Variants in MAP3K20 observed in about 807,000 individuals in gnomAD.
MAP3K20 encodes HCCS-4.
In MAP3K20, 40 loss-of-function variants were observed where a neutral mutation model predicts 85.7. The ratio of observed to expected loss-of-function variants is 0.47; its 90% CI spans 0.36 to 0.61. MAP3K20 has a LOEUF of 0.61. Among genes scored for constraint, MAP3K20 ranks in the 20% least tolerant of loss-of-function variants. The pLI is 0.00. For synonymous variants in MAP3K20, 325 were observed against 327.7 expected, an observed-to-expected ratio of 0.99 and a Z score of 0.09; for missense variants, 817 against 961.7, an observed-to-expected ratio of 0.85 and a Z score of 1.99.
At chr2:173,085,000 T>A (rs1314202383) in intron 1 of MAP3K20, among the ~76,000 whole-genome samples, 1 of 152,238 alleles carries the variant, frequency 6.6e-6, no homozygotes, top group African/African-American at 2.4e-5. Flanking sequence ...GGAAGTGAGA[T>A]GTATCAATGA....
chr2:173,107,586 G>A (rs1007124262), intron 2 of MAP3K20, among the ~76,000 whole-genome samples: 2 of 152,106 alleles, frequency 1.3e-5, no homozygotes, highest in Admixed American at 6.5e-5. Flanking sequence ...TCTGCCTTGC[G>A]CTGCAAATGG....
intron 1 of MAP3K20, among the ~76,000 whole-genome samples, chr2:173,076,800 T>C (rs1573991449): frequency 6.6e-6 from 1 of 152,288 alleles, no homozygotes; most frequent in Non-Finnish European, 1.5e-5. Context: ...TTTTGTGGGC[T>C]CCCAGACCTG....
chr2:173,257,889 A>G (rs1369157929), intron 16 of MAP3K20, among the ~76,000 whole-genome samples: 1 of 152,100 alleles, frequency 6.6e-6, no homozygotes, highest in East Asian at 1.9e-4. Flanking sequence ...TTTAATTTGC[A>G]TTTTCCTGGT....
rs1274644433 is a variant in MAP3K20 at position 173,134,428 on chromosome 2, A to AT, written c.160-35358dup. On this transcript the variant is annotated intron_variant, in intron 2 of 19. Transcript: ENST00000375213. ...TATATATATATATATATATATATATATTTTTTTTTTTTTTTTTTTGCAGAG... is the reference window on the plus strand; with the variant it reads ...TATATATATATATATATATATATATATTTTTTTTTTTTTTTTTTTTGCAGAG... Among the ~76,000 whole-genome samples, 22 of 3,156 alleles carry AT rather than the reference A, an allele frequency of 7.0e-3. 2 individuals carry two copies. Among genetic ancestry groups the AT allele is most frequent in the South Asian group, 0.019 (1 of 54 alleles). 2.1% of individuals were successfully genotyped at this position (3,156 alleles called of 152,430 possible). A position where few individuals can be genotyped will look rare whatever the true frequency, so the allele number is the denominator to read the frequency against.
At chr2:173,167,061 C>G (rs576889941) in intron 2 of MAP3K20, among the ~76,000 whole-genome samples, 1 of 151,870 alleles carries the variant, frequency 6.6e-6, no homozygotes, top group South Asian at 2.1e-4. Context: ...TACAGGCGCC[C>G]GCTACCACGC....
chr2:173,217,344 C>T (rs41268709), intron 11 of MAP3K20, 94 bp downstream of exon 11: 21 of 1,322,852 alleles, frequency 1.6e-5, no homozygotes, highest in Middle Eastern at 2.5e-4. Context: ...TGCCTCCCGC[C>T]GCCCCCTCCT....
chr2:173,137,231 A>G (rs1688822734), intron 2 of MAP3K20, among the ~76,000 whole-genome samples: 2 of 152,240 alleles, frequency 1.3e-5, no homozygotes, highest in South Asian at 4.1e-4. Flanking sequence ...TAAAATTTAT[A>G]TATGCAAAAT....
chr2:173,104,308 T>C (rs546718160), intron 2 of MAP3K20, among the ~76,000 whole-genome samples: 155 of 152,304 alleles, frequency 1.0e-3, no homozygotes, highest in Middle Eastern at 3.4e-3. Flanking sequence ...CCTAAAACCA[T>C]AACCCCAGTC....
At chr2:173,163,209 GATTAT>G (rs1238922004) in intron 2 of MAP3K20, among the ~76,000 whole-genome samples, 3 of 152,172 alleles carry the variant, frequency 2.0e-5, no homozygotes, top group African/African-American at 7.2e-5. Context: ...TAGTTGTACA[GATTAT>G]TTTATCACCC....
intron 10 of MAP3K20, chr2:173,210,036 G>C: frequency 1.8e-6 from 1 of 569,398 alleles, no homozygotes; most frequent in African/African-American, 1.9e-5. Flanking sequence ...CTCCAAGCTT[G>C]TTGCCTTGTG....
rs1686833461 is a variant in MAP3K20, at chr2:173,075,914, G to A, written c.-123G>A. The A allele has an allele frequency of 2.0e-6, 2 of 984,304 alleles. No individual in the cohort carries two copies. The highest frequency in any genetic ancestry group is 3.5e-5 in the African/African-American group (2 of 57,300). 61.0% of individuals were successfully genotyped at this position (984,304 alleles called of 1,614,324 possible). The stretch of plus-strand genomic sequence containing the variant: ...TGCAGCGGAAACGTGGGAGCCGCGC[G>A]GGCCGCTGTCGTCCCAACCCCCGCC... On this transcript the variant is annotated 5_prime_UTR_variant, in exon 1 of 20. Coordinates refer to ENST00000375213, the MANE Select transcript of MAP3K20 (RefSeq NM_016653.3).
chr2:173,224,839 A>G (rs912749842), intron 11 of MAP3K20: 21 of 984,870 alleles, frequency 2.1e-5, no homozygotes, highest in Non-Finnish European at 2.4e-5. Context: ...TTTAAAAGGA[A>G]TATTTATTAG....
chr2:173,080,185 A>G (rs1381288626), intron 1 of MAP3K20, among the ~76,000 whole-genome samples: 1 of 152,228 alleles, frequency 6.6e-6, no homozygotes, highest in Non-Finnish European at 1.5e-5. Context: ...TATGCAGTCC[A>G]TTGTTGACTA....
intron 2 of MAP3K20, among the ~76,000 whole-genome samples, chr2:173,139,882 T>A (rs1425801501): frequency 6.6e-6 from 1 of 152,052 alleles, no homozygotes; most frequent in East Asian, 1.9e-4. Flanking sequence ...CATGTTATAT[T>A]TACTTCCTAG....
chr2:173,179,866 A>G (rs1690275162), intron 3 of MAP3K20, among the ~76,000 whole-genome samples: 1 of 152,182 alleles, frequency 6.6e-6, no homozygotes, highest in African/African-American at 2.4e-5. Context: ...AAAGAATTCC[A>G]TTTACAGTAG....
At position 173,239,464 on chromosome 2, in the gene MAP3K20, G is replaced by T; in HGVS notation, c.1327G>T (p.Gly443Cys). ...EKIVNLELVF[G>C]FHLKPGTGPQ... ...AATAGTGAACCTGGAACTGGTTTTTGGTTTTCACTTGAAACCAGGAACTGG... is the reference window on the plus strand; with the variant it reads ...AATAGTGAACCTGGAACTGGTTTTTTGTTTTCACTTGAAACCAGGAACTGG... The change falls in exon 16 of 20, where the codon GGT becomes TGT. Residue 443 changes from glycine (G) to cysteine (C), a missense_variant. Coordinates refer to ENST00000375213, the MANE Select transcript of MAP3K20 (RefSeq NM_016653.3). 6.2e-7 allele frequency: 1 copy of T among 1,613,088 alleles called. No individual in the cohort carries two copies. The highest frequency in any genetic ancestry group is 1.1e-5 in the South Asian group (1 of 90,762).
At chr2:173,187,744 C>T (rs1690532161) in intron 5 of MAP3K20, 121 bp downstream of exon 5, 1 of 736,254 alleles carries the variant, frequency 1.4e-6, no homozygotes, top group Non-Finnish European at 2.1e-6. Context: ...ACTGCTGATA[C>T]CATGGAAGCC....
rs139775039 is a variant in MAP3K20, at chr2:173,107,694, T to C, written c.159+16504T>C. Among the ~76,000 whole-genome samples, 20 of 151,814 alleles carry C rather than the reference T, an allele frequency of 1.3e-4. No homozygotes were observed. The East Asian group carries it at 3.7e-3, about 28-fold the overall frequency. On this transcript the variant is annotated intron_variant, in intron 2 of 19. Coordinates refer to ENST00000375213, the MANE Select transcript of MAP3K20 (RefSeq NM_016653.3). ...ATTCAGATGCTTTCTCCACTACTTA[T>C]TAGATTTATGGGAAAGTGACTGCAC... is the stretch of plus-strand genomic sequence containing the variant.
chr2:173,098,193 G>T (rs1329812557), intron 2 of MAP3K20, among the ~76,000 whole-genome samples: 3 of 152,212 alleles, frequency 2.0e-5, no homozygotes, highest in East Asian at 3.9e-4. Flanking sequence ...TTGAGTTCTG[G>T]CATAGTTTCT....
Sources: gnomAD v4.1 joint callset for allele counts (sites outside exome capture counted in the v4.1 genomes callset) on GRCh38, gnomAD v4.1.1 for gene constraint, MANE v1.5 for transcripts, NCBI Gene and HGNC (gene_info 2026-07-23, HGNC 2026-07-21) for gene names.